The following ZFR variants were observed in gnomAD, a reference collection of about 807,000 sequenced individuals.
ZFR encodes the protein zinc finger RNA-binding protein.
In ZFR, 19 loss-of-function variants were observed where a neutral mutation model predicts 130.7. That is an observed-to-expected ratio of 0.15 (90% CI 0.10 to 0.21). The LOEUF (loss-of-function observed/expected upper bound fraction) is 0.21, where lower values mean the gene tolerates loss of function less well. Among genes scored for constraint, ZFR ranks in the 10% least tolerant of loss-of-function variants. ZFR has a pLI of 1.00. For missense variants in ZFR, 872 were observed against 1,321.5 expected, an observed-to-expected ratio of 0.66 and a Z score of 5.27; for synonymous variants, 466 against 456.9, an observed-to-expected ratio of 1.02 and a Z score of -0.25.
At chr5:32,419,574 G>A (rs969933757) in intron 3 of ZFR, among the ~76,000 whole-genome samples, 4 of 152,184 alleles carry the variant, frequency 2.6e-5, no homozygotes, top group African/African-American at 9.7e-5. Flanking sequence ...CTGACCTCAG[G>A]TGATCCACCC....
At chr5:32,444,587 C>T in intron 1 of ZFR, 35 bp downstream of exon 1, 1 of 1,468,004 alleles carries the variant, frequency 6.8e-7, no homozygotes, top group Non-Finnish European at 9.0e-7. Flanking sequence ...AGGGAGGGGG[C>T]CGGGCAGAGG....
intron 14 of ZFR, among the ~76,000 whole-genome samples, chr5:32,387,151 A>C (rs1429937456): frequency 6.6e-6 from 1 of 152,154 alleles, no homozygotes; most frequent in Non-Finnish European, 1.5e-5. Flanking sequence ...TTTTATTAAA[A>C]GCATTAAACT....
chr5:32,421,051 A>C (rs1400884675), intron 2 of ZFR, among the ~76,000 whole-genome samples: 1 of 152,236 alleles, frequency 6.6e-6, no homozygotes, highest in Non-Finnish European at 1.5e-5. Context: ...TTCTAGCTAA[A>C]GTTCTTACAG....
At chr5:32,380,298 T>C (rs1433418307) in intron 15 of ZFR, 126 bp from the exon 16 acceptor site, 2 of 562,034 alleles carry the variant, frequency 3.6e-6, no homozygotes, top group African/African-American at 1.8e-5. Flanking sequence ...CTTTAATATA[T>C]CCACGGAGTT....
At chr5:32,368,607 T>G (rs1224130504) in intron 17 of ZFR, among the ~76,000 whole-genome samples, 1 of 152,200 alleles carries the variant, frequency 6.6e-6, no homozygotes, top group Middle Eastern at 3.2e-3. Context: ...GGGCTATTAC[T>G]ACATAAGAAA....
At chr5:32,366,291 T>A (rs1215392517) in intron 17 of ZFR, among the ~76,000 whole-genome samples, 1 of 152,254 alleles carries the variant, frequency 6.6e-6, no homozygotes, top group Non-Finnish European at 1.5e-5. Context: ...AAATTTTTAC[T>A]GAGTACTTTT....
At chr5:32,407,662 G>C (rs899996311) in intron 5 of ZFR, among the ~76,000 whole-genome samples, 1 of 152,014 alleles carries the variant, frequency 6.6e-6, no homozygotes, top group African/African-American at 2.4e-5. Flanking sequence ...TGAAAATATA[G>C]AACAACTGTT....
chr5:32,436,335 T>TA (rs781500598), intron 2 of ZFR, among the ~76,000 whole-genome samples: 3 of 151,552 alleles, frequency 2.0e-5, no homozygotes, highest in Non-Finnish European at 2.9e-5. Context: ...TTATTTTTAG[T>TA]AGACACGTGG....
At chr5:32,433,357 A>C (rs960944742) in intron 2 of ZFR, among the ~76,000 whole-genome samples, 2 of 152,230 alleles carry the variant, frequency 1.3e-5, no homozygotes, top group African/African-American at 4.8e-5. Flanking sequence ...TTTTTATTCC[A>C]TATTGCCCTG....
In ZFR at chr5:32,403,921, A is replaced by T; in HGVS notation, c.1209T>A (p.Gly403=). Residue 403 remains glycine, a synonymous_variant, in exon 7 of 20, where the codon GGT becomes GGA. Coordinates refer to ENST00000265069, the MANE Select transcript of ZFR (RefSeq NM_016107.5). ...AAACACCTACTTTCTGATGCTTAGC[A>T]CCACGAATGTGGGCAGCATACGCAT... ...GADAYAAHIR[G]AKHQKVVKLH... The T allele has an allele frequency of 6.3e-7, 1 of 1,585,132 alleles. No homozygotes were observed. Among genetic ancestry groups the T allele is most frequent in the Non-Finnish European group, 8.6e-7 (1 of 1,165,398 alleles).
rs757746134 is a variant in ZFR at position 32,404,007 on chromosome 5, T to C, written c.1123A>G (p.Thr375Ala). The change falls in exon 7 of 20, where the codon ACT becomes GCT. Residue 375 changes from threonine to alanine, a missense_variant. Physicochemically the swap from Thr to Ala is moderately conservative, Grantham distance 58 (BLOSUM62 0). Around this residue, in one of 7 missense-constraint regions of ZFR, gnomAD observed 31 missense variants for 21.8 expected, o/e 1.42. Transcript: ENST00000265069. ...SQNTSSSNSS[T>A]RGTQNQLRCE... ...CGTAGCTGATTTTGAGTCCCACGAG[T>C]AGAACTGTTGCTGCTGCTGGTATTT... is the stretch of plus-strand genomic sequence containing the variant. 19 of 1,613,988 alleles carry C rather than the reference T, an allele frequency of 1.2e-5. No individual in the cohort carries two copies. Among genetic ancestry groups the C allele is most frequent in the South Asian group, 1.1e-4 (10 of 91,076 alleles).
Position 32,364,150 on chromosome 5 carries a change from A to G in ZFR, c.2947+14T>C, listed in dbSNP as rs749786578. ...AACTTCATTTTACTTCATTAAAAAC[A>G]AAGTAAGAGTTACCTTTAAGAATAA... is the stretch of plus-strand genomic sequence containing the variant. On this transcript the variant is annotated intron_variant, in intron 18 of 19. Transcript: ENST00000265069. 22 of 1,602,092 alleles carry G rather than the reference A, an allele frequency of 1.4e-5. No individual in the cohort carries two copies. The highest frequency in any genetic ancestry group is 1.7e-5 in the Non-Finnish European group (20 of 1,171,562).
At chr5:32,443,560 G>A (rs940545761) in intron 2 of ZFR, among the ~76,000 whole-genome samples, 4 of 152,280 alleles carry the variant, frequency 2.6e-5, no homozygotes, top group African/African-American at 9.6e-5. Context: ...ACAATTTACA[G>A]GTGGTTGGTA....
chr5:32,355,893 C>A lies in ZFR; in HGVS notation c.3092G>T (p.Gly1031Val). The A allele has an allele frequency of 1.2e-6, 2 of 1,605,296 alleles. No individual in the cohort carries two copies. The highest frequency in any genetic ancestry group is 2.2e-5 in the South Asian group (2 of 89,306). Residue 1031 changes from glycine (G) to valine (V), a missense_variant, in exon 20 of 20, where the codon GGC becomes GTC. Gly to Val is a moderately radical substitution (Grantham distance 109, BLOSUM62 -3). This residue lies in a region of ZFR where 158 missense variants were observed against 264.0 expected (regional missense o/e 0.60). Transcript: ENST00000265069. ...LAFRQIHKVL[G>V]MDPLPQMSQR... The stretch of plus-strand genomic sequence containing the variant: ...GCTCATTTGCGGTAATGGATCCATG[C>A]CTAGAACTTTGTGTATCTGGCGGAA...
intron 2 of ZFR, among the ~76,000 whole-genome samples, chr5:32,424,137 T>G (rs961823549): frequency 6.6e-6 from 1 of 152,034 alleles, no homozygotes; most frequent in African/African-American, 2.4e-5. Context: ...AGATTGGAAT[T>G]AGGGGAAGGA....
At chr5:32,422,814 A>AAAAAAAAAAAAAAAAAAAAAAAAAAC (rs1753986317) in intron 2 of ZFR, among the ~76,000 whole-genome samples, 1 of 149,598 alleles carries the variant, frequency 6.7e-6, no homozygotes, top group African/African-American at 2.4e-5. Flanking sequence ...AAAAAAAAAA[A>AAAAAAAAAAAAAAAAAAAAAAAAAAC]AAAAAAAAGG....
intron 2 of ZFR, among the ~76,000 whole-genome samples, chr5:32,422,511 G>C (rs1053039354): frequency 6.6e-6 from 1 of 152,072 alleles, no homozygotes; most frequent in South Asian, 2.1e-4. Flanking sequence ...AAAAGCATGA[G>C]GAAGGCTGGG....
At chr5:32,358,712 T>TA (rs941157629) in intron 19 of ZFR, among the ~76,000 whole-genome samples, 23 of 144,434 alleles carry the variant, frequency 1.6e-4, no homozygotes, top group Middle Eastern at 3.5e-3. Context: ...TTTTTTAAAT[T>TA]AAAAAAAAAA....
chr5:32,356,475 C>T (rs1240374364), intron 19 of ZFR, among the ~76,000 whole-genome samples: 3 of 152,096 alleles, frequency 2.0e-5, no homozygotes, highest in East Asian at 1.9e-4. Context: ...TGCAGTGGTG[C>T]GAGCTTGGCT....
Sources: allele counts gnomAD v4.1 joint callset (sites outside exome capture counted in the v4.1 genomes callset), GRCh38; gene constraint gnomAD v4.1.1; regional missense constraint gnomAD v4.1.1; transcripts MANE v1.5; gene names NCBI Gene and HGNC (gene_info 2026-07-23, HGNC 2026-07-21).